TECPR2: variants seen among roughly 807,000 people sequenced by gnomAD.
TECPR2 encodes the protein tectonin beta-propeller repeat-containing protein 2.
Under a neutral mutation model 138.1 loss-of-function variants are expected in TECPR2, and 65 were observed. The ratio of observed to expected loss-of-function variants is 0.47; its 90% confidence interval spans 0.39 to 0.58. TECPR2 has a LOEUF of 0.58. Ranked by LOEUF, TECPR2 falls within the 20% of genes least tolerant of loss-of-function variation. The pLI is 0.00. For missense variants in TECPR2, 1,553 were observed against 1,824.5 expected, an observed-to-expected ratio of 0.85 and a Z score of 2.71; for synonymous variants, 746 against 749.8, an observed-to-expected ratio of 0.99 and a Z score of 0.08.
chr14:102,403,787 GAAT>G (rs1888565824), intron 2 of TECPR2, among the ~76,000 whole-genome samples: 1 of 152,080 alleles, frequency 6.6e-6, no homozygotes, highest in African/African-American at 2.4e-5. Context: ...GCATTAAAAA[GAAT>G]AAGGAGGTGA....
chr14:102,433,510 A>T (rs1889568386), intron 8 of TECPR2, among the ~76,000 whole-genome samples: 1 of 150,220 alleles, frequency 6.7e-6, no homozygotes, highest in African/African-American at 2.5e-5. Flanking sequence ...TTATTTATTT[A>T]TTTATTTATT....
Position 102,445,933 on chromosome 14 carries a change from G to A in TECPR2, c.3061G>A (p.Asp1021Asn), listed in dbSNP as rs374680065. The change falls in exon 13 of 20, where the codon GAC (aspartate) becomes AAC (asparagine). Residue 1021 changes from aspartate to asparagine, a missense_variant. Physicochemically the swap from Asp to Asn is conservative, Grantham distance 23. Coordinates refer to ENST00000359520, the MANE Select transcript of TECPR2 (RefSeq NM_014844.5). ...TTCCAAGAAGCCCCAAGGAGATGAC[G>A]ACCATTGGTGGCAAGTAGGTGTTCA... ...IISKKPQGDD[D>N]HWWQVSITDY... 35 of 1,613,626 alleles carry A rather than the reference G, an allele frequency of 2.2e-5. No homozygotes were observed. The East Asian group carries it at 2.7e-4, about 12-fold the overall frequency.
intron 10 of TECPR2, among the ~76,000 whole-genome samples, chr14:102,439,007 AC>A (rs1889758132): frequency 6.6e-6 from 1 of 151,248 alleles, no homozygotes; most frequent in African/African-American, 2.4e-5. Flanking sequence ...GACTACAGGC[AC>A]CCGCCACCAC....
chr14:102,457,869 C>CTGTTTTTTTTTTTT (rs1890311886), intron 16 of TECPR2, among the ~76,000 whole-genome samples: 1 of 102,772 alleles, frequency 9.7e-6, no homozygotes, highest in African/African-American at 4.1e-5. Context: ...ACTAAATTCC[C>CTGTTTTTTTTTTTT]TTTTTTTTTT....
intron 2 of TECPR2, among the ~76,000 whole-genome samples, chr14:102,381,841 G>C (rs538939411): frequency 1.3e-5 from 2 of 152,112 alleles, no homozygotes; most frequent in African/African-American, 4.8e-5. Context: ...AAATATATTT[G>C]ACAGTTGAAA....
At chr14:102,435,452 C>A (rs574192739) in intron 9 of TECPR2, among the ~76,000 whole-genome samples, 1 of 152,208 alleles carries the variant, frequency 6.6e-6, no homozygotes, top group Non-Finnish European at 1.5e-5. Context: ...ACCAAGGTAG[C>A]GTCTTGCTGT....
intron 3 of TECPR2, 144 bp from the exon 4 acceptor site, chr14:102,408,344 T>A: frequency 2.4e-6 from 2 of 841,632 alleles, no homozygotes; most frequent in Non-Finnish European, 3.5e-6. Flanking sequence ...GATGGAACTT[T>A]GTGCAGGGTT....
chr14:102,468,310 C>T (rs1241041979), intron 17 of TECPR2, among the ~76,000 whole-genome samples: 1 of 152,022 alleles, frequency 6.6e-6, no homozygotes, highest in East Asian at 1.9e-4. Context: ...GCCTCAGTCT[C>T]CTGAGTAGCT....
At chr14:102,472,387 T>G (rs577527879) in intron 17 of TECPR2, among the ~76,000 whole-genome samples, 1 of 152,332 alleles carries the variant, frequency 6.6e-6, no homozygotes, top group Admixed American at 6.5e-5. Flanking sequence ...CTCTATTGAC[T>G]GTGGTGATCA....
At chr14:102,409,304 ATT>A (rs545807038) in intron 4 of TECPR2, among the ~76,000 whole-genome samples, 6 of 144,874 alleles carry the variant, frequency 4.1e-5, no homozygotes, top group Admixed American at 6.9e-5. Context: ...GAATTCAGCA[ATT>A]TTTTTTTTTT....
chr14:102,401,965 A>G (rs1888504091), intron 2 of TECPR2, among the ~76,000 whole-genome samples: 1 of 152,166 alleles, frequency 6.6e-6, no homozygotes. Flanking sequence ...GAAGAAATAG[A>G]CAGTTCTACA....
Position 102,499,109 on chromosome 14 carries a change from G to A in TECPR2, c.*852G>A, listed in dbSNP as rs1244501196. 1 of 702,902 alleles carries A rather than the reference G, an allele frequency of 1.4e-6. No homozygotes were observed. The highest frequency in any genetic ancestry group is 2.6e-6 in the Non-Finnish European group (1 of 384,992). 43.5% of individuals were successfully genotyped at this position (702,902 alleles called of 1,614,324 possible). A position where few individuals can be genotyped will look rare whatever the true frequency, so the allele number is the denominator to read the frequency against. On this transcript the variant is annotated 3_prime_UTR_variant, in exon 20 of 20. Transcript: ENST00000359520. ...GCCTCCTGGAGAGCACACTTCAGCT[G>A]AAACAGTAAAGCCTGATGGGTGCAA...
At chr14:102,397,333 A>G (rs368997530) in intron 2 of TECPR2, among the ~76,000 whole-genome samples, 1 of 152,206 alleles carries the variant, frequency 6.6e-6, no homozygotes, top group Non-Finnish European at 1.5e-5. Flanking sequence ...GAGGCACACA[A>G]AGAAACAGGA....
At chr14:102,473,746 T>C (rs928946732) in intron 17 of TECPR2, among the ~76,000 whole-genome samples, 1 of 152,178 alleles carries the variant, frequency 6.6e-6, no homozygotes, top group African/African-American at 2.4e-5. Context: ...ATATTTATAG[T>C]TGTGTTTAGC....
Position 102,367,223 on chromosome 14 carries a change from A to G in TECPR2, c.-73+4107A>G, listed in dbSNP as rs546013947. On this transcript the variant is annotated intron_variant, in intron 1 of 19. Transcript: ENST00000359520. ...GTCTGATTTCTCTTTGAAGGAGCTG[A>G]TATTTTCCTTTGTTTTTTGGGGGGT... 3.9e-5 allele frequency among the ~76,000 whole-genome samples: 6 copies of G among 152,168 alleles called. 1 individual carries two copies. Among genetic ancestry groups the G allele is most frequent in the African/African-American group, 1.4e-4 (6 of 41,516 alleles).
chr14:102,425,564 T>G (rs1030893252), intron 6 of TECPR2, among the ~76,000 whole-genome samples: 3 of 151,684 alleles, frequency 2.0e-5, no homozygotes, highest in Admixed American at 2.0e-4. Context: ...ACTTGTTCTT[T>G]TTGTTGTTGT....
At chr14:102,437,460 T>C (rs1889698316) in intron 9 of TECPR2, among the ~76,000 whole-genome samples, 1 of 152,036 alleles carries the variant, frequency 6.6e-6, no homozygotes, top group Admixed American at 6.6e-5. Flanking sequence ...GGCAGGAGAA[T>C]TGCGACTTGC....
At chr14:102,384,753 G>A (rs549239171) in intron 2 of TECPR2, among the ~76,000 whole-genome samples, 107 of 144,636 alleles carry the variant, frequency 7.4e-4, no homozygotes, top group Non-Finnish European at 1.3e-3. Flanking sequence ...GTATGTGTGT[G>A]TATATATATA....
chr14:102,456,825 G>A (rs939800664), intron 16 of TECPR2, among the ~76,000 whole-genome samples: 1 of 151,810 alleles, frequency 6.6e-6, no homozygotes, highest in Admixed American at 6.6e-5. Context: ...TCCTGACCTC[G>A]TGATCTGCTC....
Sources: gnomAD v4.1 joint callset for allele counts (sites outside exome capture counted in the v4.1 genomes callset) on GRCh38, gnomAD v4.1.1 for gene constraint, MANE v1.5 for transcripts, NCBI Gene and HGNC (gene_info 2026-07-23, HGNC 2026-07-21) for gene names.